SPDYA: variants seen among roughly 807,000 people sequenced by gnomAD.
SPDYA encodes the protein speedy/RINGO cell cycle regulator family member A.
Under a neutral mutation model 36.7 loss-of-function variants are expected in SPDYA, and 11 were observed. The observed-to-expected ratio is 0.30, with a 90% CI of 0.19 to 0.50. The LOEUF (loss-of-function observed/expected upper bound fraction) is 0.50. Among genes scored for constraint, SPDYA ranks in the 20% least tolerant of loss-of-function variants. The pLI is 0.98. For synonymous variants in SPDYA, 115 were observed against 118.7 expected (o/e 0.97, Z 0.20); for missense variants, 287 against 370.9 (o/e 0.77, Z 1.86).
At chr2:28,841,782 T>C (rs894832009) in intron 7 of SPDYA, among the ~76,000 whole-genome samples, 1 of 152,176 alleles carries the variant, frequency 6.6e-6, no homozygotes, top group African/African-American at 2.4e-5. Flanking sequence ...CCTTCAGGCA[T>C]ATTTTTTATT....
intron 7 of SPDYA, among the ~76,000 whole-genome samples, chr2:28,848,669 G>A (rs1350439925): frequency 6.6e-6 from 1 of 152,144 alleles, no homozygotes; most frequent in Non-Finnish European, 1.5e-5. Flanking sequence ...TTACACACAT[G>A]TATAATTTTA....
chr2:28,829,156 CT>C lies in SPDYA; in HGVS notation c.390del (p.Asn131IlefsTer19), dbSNP rs753176779. The C allele has an allele frequency of 6.2e-7, 1 of 1,613,018 alleles. No homozygotes were observed. The highest frequency in any genetic ancestry group is 8.5e-7 in the Non-Finnish European group (1 of 1,179,744). On this transcript the variant is annotated frameshift_variant, in exon 6 of 8. Transcript: ENST00000334056. LOFTEE classifies it high-confidence loss of function. Reference protein sequence around the residue: ...RINFFIALYLANTVEEDEEET... With the variant: ...RINFFIALYLXNTVEEDEEET... ...GTGATCTTCTTTGTTAGGTATCTGG[CT>C]AATACAGTTGAAGAAGATGAAGAAG...
intron 3 of SPDYA, 73 bp downstream of exon 3, chr2:28,816,322 T>A: frequency 8.8e-7 from 1 of 1,131,860 alleles, no homozygotes; most frequent in Non-Finnish European, 1.2e-6. Context: ...CTAAATGTTT[T>A]TATTCTGATC....
At chr2:28,840,112 C>T in intron 6 of SPDYA, 60 bp from the exon 7 acceptor site, 5 of 1,474,532 alleles carry the variant, frequency 3.4e-6, no homozygotes, top group Non-Finnish European at 4.6e-6. Context: ...AAGTTTTGAA[C>T]TCAATTTTAG....
At chr2:28,824,178 A>G (rs889172402) in intron 5 of SPDYA, among the ~76,000 whole-genome samples, 1 of 152,196 alleles carries the variant, frequency 6.6e-6, no homozygotes. Flanking sequence ...TCAAAGAGTT[A>G]TTAAAGAAAT....
rs1368338412 is a variant in SPDYA, at chr2:28,850,475, AAT to A, written c.*537_*538del. The A allele has an allele frequency of 2.0e-6, 2 of 1,020,604 alleles. No individual in the cohort carries two copies. Among genetic ancestry groups the A allele is most frequent in the African/African-American group, 1.6e-5 (1 of 60,740 alleles). The allele number at this position is 1,020,604 out of a possible 1,614,324, so 63.2% of individuals were successfully genotyped here. A position where few individuals can be genotyped will look rare whatever the true frequency, so the allele number is the denominator to read the frequency against. ...TCTATTTTTTTCACAAAACTGTTAA[AAT>A]ATGAGTTACTCTCTTTATTGTAAGT... is the stretch of plus-strand genomic sequence containing the variant. On this transcript the variant is annotated 3_prime_UTR_variant, in exon 8 of 8. Coordinates refer to ENST00000334056, the MANE Select transcript of SPDYA (RefSeq NM_182756.4).
intron 4 of SPDYA, among the ~76,000 whole-genome samples, chr2:28,820,599 TAATAA>T (rs1483443280): frequency 5.3e-5 from 8 of 152,218 alleles, no homozygotes; most frequent in African/African-American, 1.7e-4. Flanking sequence ...AAAATAATAA[TAATAA>T]AATAAAATTT....
intron 6 of SPDYA, 75 bp downstream of exon 6, chr2:28,829,394 C>A: frequency 7.2e-7 from 1 of 1,388,732 alleles, no homozygotes; most frequent in African/African-American, 1.5e-5. Flanking sequence ...TTTTAATGTG[C>A]TTCTAATGTT....
chr2:28,848,676 T>A (rs902764600), intron 7 of SPDYA, among the ~76,000 whole-genome samples: 2 of 152,226 alleles, frequency 1.3e-5, no homozygotes, highest in Non-Finnish European at 2.9e-5. Flanking sequence ...CATGTATAAT[T>A]TTAAATACTT....
At chr2:28,834,852 G>A (rs35805618) in intron 6 of SPDYA, among the ~76,000 whole-genome samples, 29,874 of 152,072 alleles carry the variant, frequency 0.2, 3,686 homozygotes, top group Middle Eastern at 0.3. Flanking sequence ...TGATTCTAAG[G>A]TATTTTAATT....
intron 6 of SPDYA, among the ~76,000 whole-genome samples, chr2:28,836,162 T>C (rs1431737289): frequency 2.6e-5 from 4 of 152,230 alleles, no homozygotes; most frequent in African/African-American, 9.6e-5. Flanking sequence ...GGTGGCATCC[T>C]CATTTCACAG....
Position 28,832,113 on chromosome 2 carries a change from T to C in SPDYA, c.552+2794T>C, listed in dbSNP as rs149393867. Among the ~76,000 whole-genome samples the C allele has an allele frequency of 1.4e-3, 214 of 152,328 alleles. 3 individuals carry two copies. Among genetic ancestry groups the C allele is most frequent in the African/African-American group, 4.9e-3 (203 of 41,568 alleles). On this transcript the variant is annotated intron_variant, in intron 6 of 7. Coordinates refer to ENST00000334056, the MANE Select transcript of SPDYA (RefSeq NM_182756.4). ...CCTTATAACCAAACTCCTTGAAGAA[T>C]TGCTTGTATTCTATCTCTACTTCTG...
At chr2:28,822,122 GATATA>G (rs1433622137) in intron 4 of SPDYA, among the ~76,000 whole-genome samples, 198 bp from the exon 5 acceptor site, 1 of 152,072 alleles carries the variant, frequency 6.6e-6, no homozygotes, top group Non-Finnish European at 1.5e-5. Flanking sequence ...AGTTTATAAT[GATATA>G]ATAAATAGTC....
chr2:28,848,300 T>G (rs1011597354), intron 7 of SPDYA, among the ~76,000 whole-genome samples: 2 of 152,204 alleles, frequency 1.3e-5, no homozygotes. Context: ...TGGAATCCCA[T>G]TTTTCTTAGG....
intron 6 of SPDYA, among the ~76,000 whole-genome samples, chr2:28,837,326 A>G (rs149339573): frequency 4.7e-4 from 71 of 152,324 alleles, no homozygotes; most frequent in African/African-American, 1.5e-3. Context: ...TAAGTTTCAA[A>G]TATATATAAC....
At chr2:28,841,431 A>C (rs1364394586) in intron 7 of SPDYA, among the ~76,000 whole-genome samples, 1 of 152,142 alleles carries the variant, frequency 6.6e-6, no homozygotes, top group African/African-American at 2.4e-5. Flanking sequence ...CTTTTCTAGA[A>C]ATGTCTAGAA....
intron 6 of SPDYA, among the ~76,000 whole-genome samples, chr2:28,835,386 C>T (rs1668570070): frequency 1.3e-5 from 2 of 152,084 alleles, no homozygotes; most frequent in South Asian, 2.1e-4. Context: ...TACAGGCATG[C>T]GCCACCACGC....
chr2:28,824,677 G>A (rs919476453), intron 5 of SPDYA, among the ~76,000 whole-genome samples: 1 of 151,136 alleles, frequency 6.6e-6, no homozygotes, highest in African/African-American at 2.4e-5. Context: ...CTCCTGAATA[G>A]CTGGAACTAC....
chr2:28,816,262 T>C lies in SPDYA; in HGVS notation c.235+13T>C. 1 of 1,554,748 alleles carries C rather than the reference T, an allele frequency of 6.4e-7. No individual in the cohort carries two copies. The highest frequency in any genetic ancestry group is 1.4e-5 in the African/African-American group (1 of 72,642). On this transcript the variant is annotated intron_variant, in intron 3 of 7. Transcript: ENST00000334056. ...TTTAAATTATTTGGTAGGTTTAAAATATTGTAATAGTGGTAATTATAAAGT... is the reference window on the plus strand; with the variant it reads ...TTTAAATTATTTGGTAGGTTTAAAACATTGTAATAGTGGTAATTATAAAGT...
Sources: allele counts gnomAD v4.1 joint callset (sites outside exome capture counted in the v4.1 genomes callset), GRCh38; gene constraint gnomAD v4.1.1; transcripts MANE v1.5; gene names NCBI Gene and HGNC (gene_info 2026-07-23, HGNC 2026-07-21).